The following ATRNL1 variants were observed in gnomAD, a reference collection of about 807,000 sequenced individuals.
ATRNL1 encodes the protein attractin like 1.
A neutral mutation model predicts 182.7 loss-of-function variants in ATRNL1; 95 were observed. That is an observed-to-expected ratio of 0.52 (90% CI 0.44 to 0.62). ATRNL1 has a LOEUF of 0.62. Among genes scored for constraint, ATRNL1 ranks in the 20% least tolerant of loss-of-function variants. The pLI is 0.00. For synonymous variants in ATRNL1, 576 were observed against 568.3 expected (o/e 1.01, Z -0.19); for missense variants, 1,471 against 1,679.5 (o/e 0.88, Z 2.17).
intron 26 of ATRNL1, among the ~76,000 whole-genome samples, chr10:115,638,412 T>C (rs1279282090): frequency 1.3e-5 from 2 of 152,184 alleles, no homozygotes; most frequent in African/African-American, 2.4e-5. Flanking sequence ...TATATTAATA[T>C]GTATAGTAAG....
chr10:115,627,084 G>A (rs1003097054), intron 26 of ATRNL1, among the ~76,000 whole-genome samples: 4 of 151,992 alleles, frequency 2.6e-5, no homozygotes, highest in African/African-American at 4.8e-5. Context: ...TAAACAGCCC[G>A]GTGTCACTTT....
intron 26 of ATRNL1, among the ~76,000 whole-genome samples, chr10:115,630,582 T>A (rs929428629): frequency 2.6e-5 from 4 of 151,388 alleles, no homozygotes; most frequent in Admixed American, 2.0e-4. Context: ...TTATTCATAA[T>A]AGTCAAAATA....
chr10:115,796,132 G>A (rs1402341752), intron 27 of ATRNL1, among the ~76,000 whole-genome samples: 8 of 151,620 alleles, frequency 5.3e-5, no homozygotes, highest in African/African-American at 1.9e-4. Flanking sequence ...GCTGCACTCT[G>A]CTGGCTCTCA....
At chr10:115,267,644 CTT>C (rs200342792) in intron 12 of ATRNL1, among the ~76,000 whole-genome samples, 1 of 151,900 alleles carries the variant, frequency 6.6e-6, no homozygotes, top group Non-Finnish European at 1.5e-5. Flanking sequence ...ATTCAGATGT[CTT>C]TTATATCTTT....
intron 8 of ATRNL1, among the ~76,000 whole-genome samples, chr10:115,192,365 A>G (rs944449685): frequency 4.6e-5 from 7 of 152,096 alleles, no homozygotes; most frequent in South Asian, 4.1e-4. Context: ...CCTTTCCCCA[A>G]TGTATGTTCT....
chr10:115,354,650 T>A (rs1166862155), intron 19 of ATRNL1, among the ~76,000 whole-genome samples: 2 of 152,288 alleles, frequency 1.3e-5, no homozygotes, highest in East Asian at 3.9e-4. Context: ...GTTTGATTAT[T>A]ATATGTCTTG....
At chr10:115,223,989 G>C (rs188135826) in intron 9 of ATRNL1, among the ~76,000 whole-genome samples, 1 of 136,132 alleles carries the variant, frequency 7.3e-6, no homozygotes, top group East Asian at 2.2e-4. Flanking sequence ...AGCCTGGAGT[G>C]CAGTGACACA....
chr10:115,753,291 C>T (rs1948498855), intron 27 of ATRNL1, among the ~76,000 whole-genome samples: 1 of 151,586 alleles, frequency 6.6e-6, no homozygotes, highest in South Asian at 2.1e-4. Context: ...CTGTCATCTA[C>T]ATTAGGTATT....
chr10:115,805,368 C>T (rs1195211548), intron 27 of ATRNL1, among the ~76,000 whole-genome samples: 1 of 152,104 alleles, frequency 6.6e-6, no homozygotes, highest in Non-Finnish European at 1.5e-5. Flanking sequence ...CTTGGAGCTA[C>T]CCACTTCTGC....
At chr10:115,440,127 A>T (rs1300314644) in intron 21 of ATRNL1, among the ~76,000 whole-genome samples, 2 of 151,672 alleles carry the variant, frequency 1.3e-5, no homozygotes, top group Non-Finnish European at 3.0e-5. Context: ...GATCCCCCTC[A>T]ATTTGGCTTC....
intron 15 of ATRNL1, among the ~76,000 whole-genome samples, chr10:115,289,958 A>C (rs1339860955): frequency 1.3e-5 from 2 of 152,128 alleles, no homozygotes; most frequent in African/African-American, 4.8e-5. Context: ...TTGAGTCTGT[A>C]GATTGCTTTG....
At chr10:115,531,445 C>T (rs1352753449) in intron 25 of ATRNL1, among the ~76,000 whole-genome samples, 1 of 152,164 alleles carries the variant, frequency 6.6e-6, no homozygotes, top group African/African-American at 2.4e-5. Flanking sequence ...AGTGTCTGTT[C>T]ATACCCTTTG....
intron 27 of ATRNL1, among the ~76,000 whole-genome samples, chr10:115,743,478 GA>G (rs1395752759): frequency 6.6e-6 from 1 of 151,810 alleles, no homozygotes; most frequent in Non-Finnish European, 1.5e-5. Context: ...AAATAATAAA[GA>G]AAAAATGAAT....
intron 8 of ATRNL1, among the ~76,000 whole-genome samples, chr10:115,190,647 G>A (rs1164616585): frequency 1.3e-5 from 2 of 152,054 alleles, no homozygotes; most frequent in Admixed American, 1.3e-4. Flanking sequence ...CATACAATGT[G>A]TAATGATCAA....
At chr10:115,331,328 G>A (rs1190754694) in intron 18 of ATRNL1, among the ~76,000 whole-genome samples, 1 of 152,190 alleles carries the variant, frequency 6.6e-6, no homozygotes, top group Non-Finnish European at 1.5e-5. Flanking sequence ...CCAGAGTGCT[G>A]GGATTATAGG....
At chr10:115,275,246 A>T (rs1554914515) in intron 13 of ATRNL1, among the ~76,000 whole-genome samples, 1 of 151,926 alleles carries the variant, frequency 6.6e-6, no homozygotes, top group Non-Finnish European at 1.5e-5. Context: ...TGGGTTTGGG[A>T]CCCAGTGGGC....
chr10:115,333,114 G>A (rs1465955112), intron 18 of ATRNL1, among the ~76,000 whole-genome samples: 1 of 152,074 alleles, frequency 6.6e-6, no homozygotes, highest in African/African-American at 2.4e-5. Flanking sequence ...CAGAATATTG[G>A]CTTTCCTCAT....
chr10:115,743,434 TTAAC>T, intron 27 of ATRNL1, among the ~76,000 whole-genome samples: 1 of 131,334 alleles, frequency 7.6e-6, no homozygotes, highest in Non-Finnish European at 1.7e-5. Context: ...AAGTGGTAGT[TTAAC>T]TAATTCTTAA....
rs188971936 is a variant in ATRNL1 at position 115,943,714 on chromosome 10, C to T, written c.4019-944C>T. 1.8e-3 allele frequency among the ~76,000 whole-genome samples: 264 copies of T among 150,726 alleles called. 1 individual carries two copies. Among genetic ancestry groups the T allele is most frequent in the African/African-American group, 6.2e-3 (255 of 41,128 alleles). ...TTGAAATGTTATGTTCACATAAAAA[C>T]CTGCACACAGATGTTTTTAACAGCT... On this transcript the variant is annotated intron_variant, in intron 28 of 28. Coordinates refer to ENST00000355044, the MANE Select transcript of ATRNL1 (RefSeq NM_207303.4).
Sources: allele counts gnomAD v4.1 joint callset (sites outside exome capture counted in the v4.1 genomes callset), GRCh38; gene constraint gnomAD v4.1.1; transcripts MANE v1.5; gene names NCBI Gene and HGNC (gene_info 2026-07-23, HGNC 2026-07-21).